The following RBFOX1 variants were observed in gnomAD, a reference collection of about 807,000 sequenced individuals.
RBFOX1 encodes the protein RNA binding protein fox-1 homolog 1.
Under a neutral mutation model 57.7 loss-of-function variants are expected in RBFOX1, and 8 were observed. That is an observed-to-expected ratio of 0.14 (90% CI 0.08 to 0.25). RBFOX1 has a LOEUF of 0.25. Ranked by LOEUF, RBFOX1 falls within the 10% of genes least tolerant of loss-of-function variation. RBFOX1 has a pLI of 1.00. For synonymous variants in RBFOX1, 326 were observed against 222.4 expected, an observed-to-expected ratio of 1.47 and a Z score of -4.15; for missense variants, 611 against 548.5, an observed-to-expected ratio of 1.11 and a Z score of -1.14.
intron 3 of RBFOX1, among the ~76,000 whole-genome samples, chr16:5,822,555 A>G (rs181804055): frequency 6.6e-5 from 10 of 152,378 alleles, no homozygotes; most frequent in African/African-American, 2.4e-4. Flanking sequence ...ATAGCTACAA[A>G]TAGTATATTG....
intron 4 of RBFOX1, among the ~76,000 whole-genome samples, chr16:7,174,418 C>G (rs918712220): frequency 6.6e-6 from 1 of 152,094 alleles, no homozygotes; most frequent in Non-Finnish European, 1.5e-5. Context: ...TATGCTTTCA[C>G]CTTTCTTGGG....
intron 1 of RBFOX1, among the ~76,000 whole-genome samples, chr16:5,443,672 C>G (rs1022374967): frequency 1.9e-4 from 29 of 152,144 alleles, no homozygotes; most frequent in African/African-American, 6.8e-4. Flanking sequence ...AATTTTTATG[C>G]CTCCCCCATA....
At chr16:5,684,636 TG>T (rs1477616584) in intron 3 of RBFOX1, among the ~76,000 whole-genome samples, 1 of 152,164 alleles carries the variant, frequency 6.6e-6, no homozygotes, top group Non-Finnish European at 1.5e-5. Flanking sequence ...GCGTTTTAAA[TG>T]GGACCCAAAG....
chr16:6,433,153 G>A (rs2094143717), intron 2 of RBFOX1, among the ~76,000 whole-genome samples: 1 of 152,186 alleles, frequency 6.6e-6, no homozygotes, highest in South Asian at 2.1e-4. Flanking sequence ...ATGCTGCCTT[G>A]GCCCCACATG....
intron 3 of RBFOX1, among the ~76,000 whole-genome samples, chr16:6,929,512 A>G (rs2076166352): frequency 6.6e-6 from 1 of 152,136 alleles, no homozygotes; most frequent in Non-Finnish European, 1.5e-5. Context: ...ATTGCAAGCC[A>G]CAATATTTTC....
At chr16:7,034,249 C>T (rs896529065) in intron 3 of RBFOX1, among the ~76,000 whole-genome samples, 1 of 152,156 alleles carries the variant, frequency 6.6e-6, no homozygotes, top group Non-Finnish European at 1.5e-5. Context: ...GTGCTCTCAT[C>T]TGTTCAAGGG....
chr16:6,961,653 A>T (rs2083040067), intron 3 of RBFOX1, among the ~76,000 whole-genome samples: 1 of 152,130 alleles, frequency 6.6e-6, no homozygotes, highest in African/African-American at 2.4e-5. Context: ...CAAGGGGTGA[A>T]TTATGAGTTT....
chr16:5,857,531 C>A (rs1057156505), intron 3 of RBFOX1, among the ~76,000 whole-genome samples: 1 of 152,092 alleles, frequency 6.6e-6, no homozygotes, highest in Non-Finnish European at 1.5e-5. Context: ...ATGACCTGGG[C>A]CTGTAATAAC....
intron 3 of RBFOX1, among the ~76,000 whole-genome samples, chr16:6,722,112 G>T (rs1214182270): frequency 2.0e-5 from 3 of 152,148 alleles, no homozygotes; most frequent in Admixed American, 2.0e-4. Flanking sequence ...TATAAGCGCG[G>T]TTGCACAGAT....
At chr16:5,934,637 G>T (rs1336297079) in intron 4 of RBFOX1, among the ~76,000 whole-genome samples, 2 of 152,186 alleles carry the variant, frequency 1.3e-5, no homozygotes, top group East Asian at 3.8e-4. Context: ...AAATATTTGA[G>T]ATGATGGATA....
At chr16:7,239,959 C>T (rs1214505353) in intron 4 of RBFOX1, among the ~76,000 whole-genome samples, 1 of 152,086 alleles carries the variant, frequency 6.6e-6, no homozygotes, top group African/African-American at 2.4e-5. Context: ...CCTGTTGAAA[C>T]TATAAGATGA....
At chr16:6,955,187 A>G (rs1192977291) in intron 3 of RBFOX1, among the ~76,000 whole-genome samples, 2 of 152,098 alleles carry the variant, frequency 1.3e-5, no homozygotes, top group East Asian at 3.9e-4. Context: ...GTTTCAGTGA[A>G]CTGAGATGGC....
chr16:6,733,148 A>C (rs1301240930), intron 3 of RBFOX1, among the ~76,000 whole-genome samples: 1 of 152,224 alleles, frequency 6.6e-6, no homozygotes, highest in African/African-American at 2.4e-5. Flanking sequence ...AAATGTGAAT[A>C]ATGAGAACAG....
At chr16:5,990,597 T>C (rs1003597) in intron 4 of RBFOX1, among the ~76,000 whole-genome samples, 111,504 of 152,132 alleles carry the variant, frequency 0.73, 41,454 homozygotes, top group African/African-American at 0.86. Flanking sequence ...CCATGGACTA[T>C]AGCTTTTTCA....
intron 4 of RBFOX1, among the ~76,000 whole-genome samples, chr16:5,907,846 G>T (rs543293579): frequency 3.3e-5 from 5 of 151,480 alleles, no homozygotes; most frequent in Non-Finnish European, 7.4e-5. Context: ...TGCCTCCCAG[G>T]TTCAAGCAAT....
chr16:6,953,237 C>G (rs938284939), intron 3 of RBFOX1, among the ~76,000 whole-genome samples: 3 of 152,104 alleles, frequency 2.0e-5, no homozygotes, highest in East Asian at 1.9e-4. Flanking sequence ...ACCTATGGTA[C>G]TCTTTAATCA....
chr16:5,985,203 A>G (rs987233971), intron 4 of RBFOX1, among the ~76,000 whole-genome samples: 3 of 151,412 alleles, frequency 2.0e-5, no homozygotes, highest in East Asian at 2.0e-4. Context: ...CGTGTTAGCC[A>G]GGATGGTCTC....
chr16:7,154,835 C>G (rs916124867), intron 4 of RBFOX1, among the ~76,000 whole-genome samples: 1 of 151,900 alleles, frequency 6.6e-6, no homozygotes, highest in Non-Finnish European at 1.5e-5. Context: ...TTTTCAACAA[C>G]TGTATGAAGT....
At chr16:7,671,713 A>AGACTT in intron 13 of RBFOX1, 1 of 969,416 alleles carries the variant, frequency 1.0e-6, no homozygotes, top group South Asian at 1.4e-5. Flanking sequence ...ATAGGAGGAA[A>AGACTT]GACTTAACTG....
Sources: allele counts gnomAD v4.1 joint callset (sites outside exome capture counted in the v4.1 genomes callset), GRCh38; gene constraint gnomAD v4.1.1; transcripts MANE v1.5; gene names NCBI Gene and HGNC (gene_info 2026-07-23, HGNC 2026-07-21).